The following DMD variants were observed in gnomAD, a reference collection of about 807,000 sequenced individuals.
DMD encodes mutant dystrophin.
In DMD, 63 loss-of-function variants were observed where a neutral mutation model predicts 330.1. The ratio of observed to expected loss-of-function variants is 0.19; its 90% CI spans 0.16 to 0.24. DMD has a LOEUF of 0.24. DMD is among the 10% of genes least tolerant of loss of function. The pLI is 1.00. For synonymous variants in DMD, 1,223 were observed against 959.8 expected, an observed-to-expected ratio of 1.27 and a Z score of -5.07; for missense variants, 3,344 against 2,684.1, an observed-to-expected ratio of 1.25 and a Z score of -5.43.
intron 48 of DMD, among the ~76,000 whole-genome samples, chrX:31,844,005 T>C (rs752138942): frequency 9.0e-6 from 1 of 111,232 alleles, no homozygotes; most frequent in African/African-American, 3.3e-5. Context: ...ATTACAGGGA[T>C]GCGCCAGCAT....
At chrX:32,864,500 T>A (rs1310450087) in intron 2 of DMD, among the ~76,000 whole-genome samples, 1 of 112,266 alleles carries the variant, frequency 8.9e-6, no homozygotes, top group Non-Finnish European at 1.9e-5. Flanking sequence ...TTCTATCATT[T>A]CCAAAAGGTC....
intron 7 of DMD, among the ~76,000 whole-genome samples, chrX:32,738,770 T>A (rs1027940971): frequency 4.5e-5 from 5 of 111,501 alleles, no homozygotes; most frequent in Non-Finnish European, 7.5e-5. Context: ...GTATACGATA[T>A]AGATGATATG....
intron 44 of DMD, among the ~76,000 whole-genome samples, chrX:32,138,785 A>G (rs1323259749): frequency 8.9e-6 from 1 of 111,967 alleles, no homozygotes; most frequent in Non-Finnish European, 1.9e-5. Flanking sequence ...ACAGTCTATT[A>G]CCATTCCATT....
At chrX:32,455,845 C>T (rs941666557) in intron 25 of DMD, among the ~76,000 whole-genome samples, 4 of 111,112 alleles carry the variant, frequency 3.6e-5, no homozygotes, top group Non-Finnish European at 7.6e-5. Context: ...TTATAGAAAA[C>T]ATCTGCTATT....
At chrX:32,669,748 C>T (rs1448594705) in intron 9 of DMD, among the ~76,000 whole-genome samples, 3 of 111,215 alleles carry the variant, frequency 2.7e-5, no homozygotes, top group African/African-American at 9.8e-5. Context: ...AGGCAAAGTG[C>T]CTCTCCATTC....
intron 44 of DMD, among the ~76,000 whole-genome samples, chrX:32,073,244 C>T (rs1465766258): frequency 9.0e-6 from 1 of 111,720 alleles, no homozygotes; most frequent in Non-Finnish European, 1.9e-5. Context: ...TGCAGGTTTT[C>T]AGTCCCTCGG....
intron 59 of DMD, among the ~76,000 whole-genome samples, chrX:31,464,488 T>C (rs2066725184): frequency 8.9e-6 from 1 of 112,557 alleles, no homozygotes. Context: ...GTTTCCCTTA[T>C]TAAATAAATG....
At chrX:33,070,673 C>CTCTCTCTCTCTCTCTCTCTCTCTA (rs1192910156) in intron 1 of DMD, among the ~76,000 whole-genome samples, 1 of 35,640 alleles carries the variant, frequency 2.8e-5, no homozygotes, top group Non-Finnish European at 4.5e-5. Context: ...CTCTCTCTCT[C>CTCTCTCTCTCTCTCTCTCTCTCTA]TATATATATA....
chrX:32,326,810 G>A (rs2097652945), intron 41 of DMD, among the ~76,000 whole-genome samples: 1 of 109,660 alleles, frequency 9.1e-6, no homozygotes, highest in Admixed American at 9.7e-5. Context: ...TGGAGGTTGA[G>A]GCAGGAGAAT....
intron 50 of DMD, among the ~76,000 whole-genome samples, chrX:31,814,980 G>A (rs1039612689): frequency 8.9e-6 from 1 of 112,194 alleles, no homozygotes; most frequent in African/African-American, 3.2e-5. Context: ...GGGAGTAGAG[G>A]TGCTAAAATA....
intron 55 of DMD, among the ~76,000 whole-genome samples, chrX:31,588,689 C>T (rs1414462196): frequency 9.0e-6 from 1 of 110,515 alleles, no homozygotes; most frequent in Admixed American, 9.7e-5. Flanking sequence ...GAATTGATCT[C>T]TCTATATTGT....
In DMD at chrX:32,851,673, G is replaced by A. The variant is rs12834801; in HGVS notation, c.94-1853C>T. On this transcript the variant is annotated intron_variant, in intron 2 of 78. Transcript: ENST00000357033. Reference sequence around the variant, plus strand: ...TGAAGATGGTAGGAAAGACAGTTACGAATTGCCAACACCACCCCTCCCCCA... The same window carrying A: ...TGAAGATGGTAGGAAAGACAGTTACAAATTGCCAACACCACCCCTCCCCCA... 4.5e-5 allele frequency among the ~76,000 whole-genome samples: 5 copies of A among 112,287 alleles called. 1 individual carries two copies. The highest frequency in any genetic ancestry group is 1.9e-4 in the Admixed American group (2 of 10,664).
chrX:32,635,630 T>C (rs1262431922), intron 11 of DMD, among the ~76,000 whole-genome samples: 1 of 112,331 alleles, frequency 8.9e-6, no homozygotes, highest in East Asian at 2.8e-4. Flanking sequence ...GAGTAGTGCA[T>C]GTACAAACAT....
chrX:33,238,961 A>G (rs1220064207), intron 1 of DMD, among the ~76,000 whole-genome samples: 1 of 111,039 alleles, frequency 9.0e-6, no homozygotes, highest in Non-Finnish European at 1.9e-5. Flanking sequence ...TTGTTAAGTA[A>G]GATGTTGAAT....
At chrX:32,993,226 T>G (rs1159732161) in intron 2 of DMD, among the ~76,000 whole-genome samples, 1 of 112,344 alleles carries the variant, frequency 8.9e-6, no homozygotes, top group Non-Finnish European at 1.9e-5. Flanking sequence ...GCAAGTCATT[T>G]AGACAAATGC....
intron 44 of DMD, among the ~76,000 whole-genome samples, chrX:32,015,212 A>C (rs978677375): frequency 7.2e-5 from 8 of 111,870 alleles, no homozygotes; most frequent in African/African-American, 2.0e-4. Flanking sequence ...CAAAGCTGAG[A>C]ACCAACAGTT....
At chrX:31,866,453 A>G (rs939245854) in intron 48 of DMD, among the ~76,000 whole-genome samples, 2 of 112,012 alleles carry the variant, frequency 1.8e-5, no homozygotes, top group Non-Finnish European at 3.8e-5. Context: ...ATTTTAGAAC[A>G]CAGCCTCCAT....
chrX:32,927,773 C>T (rs772360860), intron 2 of DMD, among the ~76,000 whole-genome samples: 41 of 110,874 alleles, frequency 3.7e-4, no homozygotes, highest in Non-Finnish European at 6.6e-4. Context: ...ACATTTATAT[C>T]CCTAATAGGG....
intron 50 of DMD, among the ~76,000 whole-genome samples, chrX:31,796,414 T>C (rs373592172): frequency 5.3e-5 from 6 of 112,442 alleles, no homozygotes; most frequent in African/African-American, 1.6e-4. Flanking sequence ...TTAGATTGTG[T>C]CATTCACAAA....
Sources: allele counts gnomAD v4.1 joint callset (sites outside exome capture counted in the v4.1 genomes callset), GRCh38; gene constraint gnomAD v4.1.1; transcripts MANE v1.5; gene names NCBI Gene and HGNC (gene_info 2026-07-23, HGNC 2026-07-21).